KCNG2: variants seen among roughly 807,000 people sequenced by gnomAD.
KCNG2 encodes voltage-gated potassium channel regulatory subunit KCNG2.
In KCNG2, 7 loss-of-function variants were observed where a neutral mutation model predicts 12.3. The ratio of observed to expected loss-of-function variants is 0.57; its 90% CI spans 0.32 to 1.07. The LOEUF (loss-of-function observed/expected upper bound fraction) is 1.07. KCNG2 is among the 50% of genes least tolerant of loss of function. The pLI is 0.04. For missense variants in KCNG2, 703 were observed against 726.0 expected (o/e 0.97, Z 0.36); for synonymous variants, 414 against 351.4 (o/e 1.18, Z -1.99).
intron 3 of KCNG2, among the ~76,000 whole-genome samples, chr18:79,882,853 CGG>C: frequency 2.0e-5 from 3 of 150,920 alleles, no homozygotes; most frequent in South Asian, 4.2e-4. Flanking sequence ...GCGTGGAGCG[CGG>C]AGGCCGGGTA....
At chr18:79,807,020 A>G (rs2087454558) in intron 1 of KCNG2, among the ~76,000 whole-genome samples, 1 of 152,190 alleles carries the variant, frequency 6.6e-6, no homozygotes. Flanking sequence ...AATGTTAGAA[A>G]TAGCCTGAAG....
intron 1 of KCNG2, among the ~76,000 whole-genome samples, chr18:79,820,131 G>A (rs768487628): frequency 9.9e-5 from 15 of 152,226 alleles, no homozygotes; most frequent in Non-Finnish European, 1.5e-4. Flanking sequence ...CTCTGTTGGC[G>A]ACACGTGGGC....
intron 1 of KCNG2, among the ~76,000 whole-genome samples, chr18:79,811,253 G>A (rs1433967002): frequency 6.6e-6 from 1 of 152,086 alleles, no homozygotes; most frequent in East Asian, 1.9e-4. Flanking sequence ...GGAATTACAA[G>A]GGACCAAAGT....
intron 3 of KCNG2, among the ~76,000 whole-genome samples, chr18:79,874,766 C>T (rs1424433817): frequency 1.3e-5 from 2 of 152,168 alleles, no homozygotes; most frequent in African/African-American, 4.8e-5. Context: ...GGCCCAGGTG[C>T]GGTGGTGGGA....
At chr18:79,890,201 G>A (rs938875001) in intron 3 of KCNG2, among the ~76,000 whole-genome samples, 4 of 152,130 alleles carry the variant, frequency 2.6e-5, no homozygotes, top group African/African-American at 9.7e-5. Context: ...GTATCAGGGT[G>A]ATGTTGGCCT....
rs183563801 is a variant in KCNG2, at chr18:79,824,205, C to T, written c.-115+26191C>T. ...GTAGAGACAGGGTTTCGCCATTTTG[C>T]CCAAACTGATCTTGAACTCCTGGAC... On this transcript the variant is annotated intron_variant, in intron 1 of 3. Transcript: ENST00000316249. 1.3e-3 allele frequency among the ~76,000 whole-genome samples: 195 copies of T among 152,292 alleles called. 2 individuals are homozygous for T. The highest frequency in any genetic ancestry group is 4.4e-3 in the African/African-American group (183 of 41,558).
chr18:79,856,508 A>G (rs4354999), intron 2 of KCNG2, among the ~76,000 whole-genome samples, 56 bp downstream of exon 2: 137,835 of 152,250 alleles, frequency 0.91, 64,036 homozygotes, highest in East Asian at 1. Flanking sequence ...TGGGATTATC[A>G]TTTTCCATTT....
At chr18:79,823,551 G>C (rs185468642) in intron 1 of KCNG2, among the ~76,000 whole-genome samples, 2 of 152,136 alleles carry the variant, frequency 1.3e-5, no homozygotes, top group Non-Finnish European at 2.9e-5. Flanking sequence ...CTCTGATTAC[G>C]AGTGTGCTTG....
At chr18:79,865,987 G>T (rs78154260) in intron 3 of KCNG2, among the ~76,000 whole-genome samples, 3 of 77,148 alleles carry the variant, frequency 3.9e-5, no homozygotes, top group Admixed American at 1.5e-4. Flanking sequence ...CCGAGGTCTG[G>T]GTGCTGAGGT....
chr18:79,887,047 T>C, intron 3 of KCNG2, among the ~76,000 whole-genome samples: 1 of 125,598 alleles, frequency 8.0e-6, no homozygotes, highest in East Asian at 2.2e-4. Flanking sequence ...GATGGGAACA[T>C]AGGGACGTGG....
chr18:79,869,120 C>G (rs1401150604), intron 3 of KCNG2, among the ~76,000 whole-genome samples: 1 of 152,134 alleles, frequency 6.6e-6, no homozygotes, highest in Non-Finnish European at 1.5e-5. Context: ...GGGGAGACCC[C>G]GAGCCAGAGT....
chr18:79,873,965 C>T (rs140187400), intron 3 of KCNG2, among the ~76,000 whole-genome samples: 188 of 152,350 alleles, frequency 1.2e-3, no homozygotes, highest in East Asian at 9.5e-3. Flanking sequence ...CGGGCCACTT[C>T]GGGCTTTGAC....
At chr18:79,853,086 C>T (rs750146444) in intron 1 of KCNG2, among the ~76,000 whole-genome samples, 7 of 152,196 alleles carry the variant, frequency 4.6e-5, no homozygotes, top group Non-Finnish European at 1.0e-4. Context: ...TCTGTCCCTG[C>T]GGCAGTGCGT....
chr18:79,852,420 G>A (rs371439895), intron 1 of KCNG2, among the ~76,000 whole-genome samples: 1 of 152,226 alleles, frequency 6.6e-6, no homozygotes. Flanking sequence ...TAAAGAGCCC[G>A]TGCACGGTCA....
At chr18:79,895,068 CATA>C (rs1980912441) in intron 3 of KCNG2, among the ~76,000 whole-genome samples, 4 of 147,140 alleles carry the variant, frequency 2.7e-5, no homozygotes. Flanking sequence ...TCACACCATT[CATA>C]ATGATTGATA....
intron 1 of KCNG2, among the ~76,000 whole-genome samples, chr18:79,835,993 A>G (rs1476380590): frequency 6.6e-6 from 1 of 152,272 alleles, no homozygotes; most frequent in Non-Finnish European, 1.5e-5. Context: ...AGAAAACAGT[A>G]CAAAATGGAA....
rs1477992353 is a variant in KCNG2 at position 79,899,610 on chromosome 18, T to C, written c.1195T>C (p.Phe399Leu). ...CCTCAGCGGCATCCTGCTCATGGCC[T>C]TCCCGGTCACCTCCATCTTCCACAC... is the stretch of plus-strand genomic sequence containing the variant. The part of the protein sequence containing the change: ...SILSGILLMA[F>L]PVTSIFHTFS... Residue 399 changes from phenylalanine to leucine, a missense_variant, in exon 4 of 4, where the codon TTC becomes CTC. Phe to Leu is a conservative substitution (Grantham distance 22). Transcript: ENST00000316249. 6.3e-7 allele frequency: 1 copy of C among 1,599,474 alleles called. No homozygotes were observed. Among genetic ancestry groups the C allele is most frequent in the Non-Finnish European group, 8.5e-7 (1 of 1,172,178 alleles).
intron 3 of KCNG2, among the ~76,000 whole-genome samples, chr18:79,868,689 C>T (rs1347463017): frequency 6.6e-6 from 1 of 152,080 alleles, no homozygotes; most frequent in South Asian, 2.1e-4. Flanking sequence ...ATGTGAGAAC[C>T]GTAAAATGAT....
At chr18:79,888,801 A>G (rs1961736918) in intron 3 of KCNG2, among the ~76,000 whole-genome samples, 1 of 151,762 alleles carries the variant, frequency 6.6e-6, no homozygotes, top group Non-Finnish European at 1.5e-5. Flanking sequence ...CGGCCTCCCG[A>G]GTAGCTGGGA....
Sources: allele counts gnomAD v4.1 joint callset (sites outside exome capture counted in the v4.1 genomes callset), GRCh38; gene constraint gnomAD v4.1.1; transcripts MANE v1.5; gene names NCBI Gene and HGNC (gene_info 2026-07-23, HGNC 2026-07-21).